Variants in CHRM3 observed in about 807,000 individuals in gnomAD.
CHRM3 encodes the protein cholinergic receptor muscarinic 3.
Under a neutral mutation model 41.8 loss-of-function variants are expected in CHRM3, and 11 were observed. That is an observed-to-expected ratio of 0.26 (90% CI 0.17 to 0.44). CHRM3 has a LOEUF of 0.44. Ranked by LOEUF, CHRM3 falls within the 20% of genes least tolerant of loss-of-function variation. CHRM3 has a pLI of 1.00. For missense variants in CHRM3, 571 were observed against 745.4 expected (o/e 0.77, Z 2.72); for synonymous variants, 297 against 301.4 (o/e 0.99, Z 0.15).
chr1:239,398,376 C>T (rs998733998), intron 1 of CHRM3, among the ~76,000 whole-genome samples: 11 of 152,270 alleles, frequency 7.2e-5, no homozygotes, highest in Non-Finnish European at 1.3e-4. Context: ...GCTGGGATTA[C>T]AGGCGTGTGC....
At chr1:239,416,765 A>G (rs939857636) in intron 1 of CHRM3, among the ~76,000 whole-genome samples, 2 of 152,190 alleles carry the variant, frequency 1.3e-5, no homozygotes, top group Non-Finnish European at 1.5e-5. Context: ...AAAGACATAT[A>G]ATTTGGAAGC....
intron 1 of CHRM3, among the ~76,000 whole-genome samples, chr1:239,399,402 T>A (rs544885800): frequency 6.6e-6 from 1 of 152,006 alleles, no homozygotes; most frequent in East Asian, 1.9e-4. Context: ...CACGTGTTAG[T>A]TATCATTAAC....
At chr1:239,742,002 C>T (rs892103915) in intron 5 of CHRM3, among the ~76,000 whole-genome samples, 9 of 152,136 alleles carry the variant, frequency 5.9e-5, no homozygotes, top group African/African-American at 9.7e-5. Context: ...CGTTACTGTC[C>T]TCTCAGTCCC....
At chr1:239,562,291 T>C (rs986034194) in intron 3 of CHRM3, among the ~76,000 whole-genome samples, 8 of 152,128 alleles carry the variant, frequency 5.3e-5, no homozygotes, top group Non-Finnish European at 1.0e-4. Context: ...ACATTTCAAG[T>C]CACGTGATCC....
At chr1:239,547,241 A>T (rs951900023) in intron 3 of CHRM3, among the ~76,000 whole-genome samples, 1 of 152,222 alleles carries the variant, frequency 6.6e-6, no homozygotes, top group Non-Finnish European at 1.5e-5. Context: ...AGACTGCCTG[A>T]GGTTGCAACC....
chr1:239,469,769 G>T (rs1665987505), intron 1 of CHRM3, among the ~76,000 whole-genome samples: 1 of 152,020 alleles, frequency 6.6e-6, no homozygotes. Context: ...GTTGGCCAGG[G>T]TGGTCCCAAG....
chr1:239,736,443 A>G (rs1664403638), intron 5 of CHRM3, among the ~76,000 whole-genome samples: 1 of 152,162 alleles, frequency 6.6e-6, no homozygotes, highest in Non-Finnish European at 1.5e-5. Flanking sequence ...TTGATACATC[A>G]TTATTTACCT....
intron 6 of CHRM3, among the ~76,000 whole-genome samples, chr1:239,830,853 A>AC (rs1468485940): frequency 6.6e-6 from 1 of 151,586 alleles, no homozygotes; most frequent in Non-Finnish European, 1.5e-5. Flanking sequence ...ACAGACTCTC[A>AC]CCCCCCTGAA....
chr1:239,676,162 G>A lies in CHRM3; in HGVS notation c.-249-2024G>A, dbSNP rs188261206. Among the ~76,000 whole-genome samples, 32 of 152,288 alleles carry A rather than the reference G, an allele frequency of 2.1e-4. No homozygotes were observed. In the East Asian group the frequency reaches 4.6e-3, roughly 22 times the overall value. ...AGCATCAAAGACCCTTGCCCCAGAC[G>A]CTGCACCAGCAAAGTTACTAAAGTA... On this transcript the variant is annotated intron_variant, in intron 4 of 6. Transcript: ENST00000676153.
intron 2 of CHRM3, among the ~76,000 whole-genome samples, chr1:239,519,062 C>A (rs1354050045): frequency 1.3e-5 from 2 of 151,972 alleles, no homozygotes; most frequent in African/African-American, 2.4e-5. Context: ...TCAGCTTTAC[C>A]TTTCTGACTT....
At chr1:239,560,800 G>T (rs1660784076) in intron 3 of CHRM3, among the ~76,000 whole-genome samples, 1 of 151,944 alleles carries the variant, frequency 6.6e-6, no homozygotes, top group Non-Finnish European at 1.5e-5. Flanking sequence ...CACACAACAA[G>T]GATGACATCT....
intron 5 of CHRM3, among the ~76,000 whole-genome samples, chr1:239,713,047 C>G (rs1661971813): frequency 6.6e-6 from 1 of 152,164 alleles, no homozygotes; most frequent in African/African-American, 2.4e-5. Flanking sequence ...ACGGGCAACA[C>G]AAACACTGCC....
At chr1:239,674,030 A>T (rs1166495695) in intron 4 of CHRM3, among the ~76,000 whole-genome samples, 1 of 152,188 alleles carries the variant, frequency 6.6e-6, no homozygotes, top group Non-Finnish European at 1.5e-5. Context: ...TTCGGTTAGG[A>T]ATGCCCAACA....
chr1:239,844,040 T>G (rs551563601), intron 6 of CHRM3, among the ~76,000 whole-genome samples: 1 of 152,332 alleles, frequency 6.6e-6, no homozygotes, highest in South Asian at 2.1e-4. Context: ...TCAAGCTGAT[T>G]AGCATATGCA....
chr1:239,578,525 A>T (rs1662580461), intron 3 of CHRM3, among the ~76,000 whole-genome samples: 1 of 152,176 alleles, frequency 6.6e-6, no homozygotes, highest in Non-Finnish European at 1.5e-5. Context: ...TAAATTCCCA[A>T]AGAGGCACTT....
intron 1 of CHRM3, among the ~76,000 whole-genome samples, chr1:239,452,343 C>T (rs951995077): frequency 3.3e-5 from 5 of 152,174 alleles, no homozygotes; most frequent in Non-Finnish European, 7.3e-5. Flanking sequence ...ATATCTACAG[C>T]AATAAGTGGC....
chr1:239,590,148 C>T (rs1327626145), intron 3 of CHRM3, among the ~76,000 whole-genome samples: 1 of 152,112 alleles, frequency 6.6e-6, no homozygotes, highest in Non-Finnish European at 1.5e-5. Flanking sequence ...CTCATCATCC[C>T]TCAGGAGGCC....
chr1:239,782,123 C>G (rs531981), intron 5 of CHRM3, among the ~76,000 whole-genome samples: 1 of 151,904 alleles, frequency 6.6e-6, no homozygotes, highest in Non-Finnish European at 1.5e-5. Context: ...TAATGTTAGC[C>G]TCATAGAGTG....
chr1:239,411,659 A>T (rs2103045163), intron 1 of CHRM3, among the ~76,000 whole-genome samples: 1 of 125,920 alleles, frequency 7.9e-6, no homozygotes, highest in East Asian at 2.7e-4. Flanking sequence ...CGGGAGGCAG[A>T]GGTTGCAGTG....
Sources: allele counts gnomAD v4.1 joint callset (sites outside exome capture counted in the v4.1 genomes callset), GRCh38; gene constraint gnomAD v4.1.1; transcripts MANE v1.5; gene names NCBI Gene and HGNC (gene_info 2026-07-23, HGNC 2026-07-21).